The following EGFR variants were observed in gnomAD, a reference collection of about 807,000 sequenced individuals.
EGFR encodes epidermal growth factor receptor, also known as avian erythroblastic leukemia viral (v-erb-b) oncogene homolog.
In EGFR, 58 loss-of-function variants were observed where a neutral mutation model predicts 143.0. The observed-to-expected ratio is 0.41, with a 90% CI of 0.33 to 0.50. EGFR has a LOEUF of 0.50. EGFR is among the 20% of genes least tolerant of loss of function. The pLI, the probability that EGFR is intolerant of heterozygous loss-of-function variation, is 0.39. For synonymous variants in EGFR, 613 were observed against 594.4 expected (o/e 1.03, Z -0.45); for missense variants, 1,307 against 1,579.0 (o/e 0.83, Z 2.92).
At chr7:55,059,335 A>G (rs1583934118) in intron 1 of EGFR, among the ~76,000 whole-genome samples, 1 of 152,208 alleles carries the variant, frequency 6.6e-6, no homozygotes, top group African/African-American at 2.4e-5. Context: ...GCTTACAGAA[A>G]AATTGAGTGG....
chr7:55,206,115 G>T lies in EGFR; in HGVS notation c.*498G>T. ...TTGATTCCAGTGGTTCTGCTTCAAG[G>T]CTTCCACTGCAAAACACTAAAGATC... On this transcript the variant is annotated 3_prime_UTR_variant, in exon 28 of 28. Coordinates refer to ENST00000275493, the MANE Select transcript of EGFR (RefSeq NM_005228.5). 1 of 308,066 alleles carries T rather than the reference G, an allele frequency of 3.2e-6. No individual in the cohort carries two copies. Among genetic ancestry groups the T allele is most frequent in the Non-Finnish European group, 6.0e-6 (1 of 165,614 alleles). 19.1% of individuals were successfully genotyped at this position (308,066 alleles called of 1,614,324 possible).
chr7:55,109,633 C>A, intron 1 of EGFR: 1 of 563,862 alleles, frequency 1.8e-6, no homozygotes. Context: ...AGAATATTAC[C>A]TTTGCAGAGA....
intron 1 of EGFR, among the ~76,000 whole-genome samples, chr7:55,118,253 C>T (rs185764184): frequency 1.3e-5 from 2 of 152,284 alleles, no homozygotes; most frequent in Admixed American, 6.5e-5. Flanking sequence ...TCCAGGACCA[C>T]GGGCACAACC....
chr7:55,130,485 G>A (rs1793768029), intron 1 of EGFR, among the ~76,000 whole-genome samples: 1 of 152,154 alleles, frequency 6.6e-6, no homozygotes, highest in Admixed American at 6.5e-5. Flanking sequence ...GGATTACAGG[G>A]TAGCCAGGGA....
chr7:55,128,544 T>A (rs1304901279), intron 1 of EGFR, among the ~76,000 whole-genome samples: 1 of 152,208 alleles, frequency 6.6e-6, no homozygotes, highest in Non-Finnish European at 1.5e-5. Context: ...ATACGACGTG[T>A]GTTCTGTGAC....
chr7:55,064,295 G>T (rs17289162), intron 1 of EGFR, among the ~76,000 whole-genome samples: 1 of 152,162 alleles, frequency 6.6e-6, no homozygotes, highest in Non-Finnish European at 1.5e-5. Flanking sequence ...CCCACTAGAA[G>T]CCAATTATGC....
At chr7:55,050,191 A>G (rs1788407726) in intron 1 of EGFR, among the ~76,000 whole-genome samples, 2 of 152,176 alleles carry the variant, frequency 1.3e-5, no homozygotes, top group African/African-American at 4.8e-5. Context: ...TCATCTCCAG[A>G]GCTCCTTTCA....
chr7:55,056,320 C>T (rs913371606), intron 1 of EGFR, among the ~76,000 whole-genome samples: 14 of 152,122 alleles, frequency 9.2e-5, no homozygotes, highest in African/African-American at 3.4e-4. Context: ...AAGCAGGTAG[C>T]CAATACTATT....
intron 19 of EGFR, chr7:55,180,908 C>G: frequency 3.0e-6 from 1 of 335,604 alleles, no homozygotes; most frequent in South Asian, 2.8e-5. Context: ...TACAGGCCCT[C>G]ATGATATTTT....
intron 20 of EGFR, among the ~76,000 whole-genome samples, chr7:55,184,072 C>A (rs921851524): frequency 6.6e-6 from 1 of 152,216 alleles, no homozygotes; most frequent in South Asian, 2.1e-4. Flanking sequence ...TGGATTCTGG[C>A]GCATTCGCCG....
At chr7:55,049,070 G>A (rs538545454) in intron 1 of EGFR, among the ~76,000 whole-genome samples, 1 of 152,218 alleles carries the variant, frequency 6.6e-6, no homozygotes, top group African/African-American at 2.4e-5. Flanking sequence ...AAATGGAAAC[G>A]CACATTTAGT....
At chr7:55,161,687 G>A in intron 13 of EGFR, 56 bp downstream of exon 13, 1 of 1,613,456 alleles carries the variant, frequency 6.2e-7, no homozygotes, top group South Asian at 1.1e-5. Flanking sequence ...GCTCCAGGTT[G>A]TTGTTATAGC....
chr7:55,031,215 C>T (rs1019993749), intron 1 of EGFR, among the ~76,000 whole-genome samples: 1 of 152,144 alleles, frequency 6.6e-6, no homozygotes, highest in African/African-American at 2.4e-5. Flanking sequence ...ATTTTTCAGG[C>T]CTGTGATGAC....
At chr7:55,062,093 T>G (rs1010040229) in intron 1 of EGFR, among the ~76,000 whole-genome samples, 1 of 152,116 alleles carries the variant, frequency 6.6e-6, no homozygotes, top group Admixed American at 6.5e-5. Flanking sequence ...CCCCAGGAGA[T>G]AAGTGAAGAG....
At chr7:55,180,210 T>C (rs541090679) in intron 19 of EGFR, 1 of 152,406 alleles carries the variant, frequency 6.6e-6, no homozygotes, top group Admixed American at 6.5e-5. Context: ...GAAAAGCAGC[T>C]GTGGATGCTT....
intron 1 of EGFR, among the ~76,000 whole-genome samples, chr7:55,049,085 A>G (rs1350205878): frequency 6.6e-6 from 1 of 152,248 alleles, no homozygotes; most frequent in Non-Finnish European, 1.5e-5. Flanking sequence ...TTTAGTATGC[A>G]TATGACAACA....
intron 1 of EGFR, among the ~76,000 whole-genome samples, chr7:55,108,371 AGT>A (rs1792265576): frequency 6.6e-6 from 1 of 152,234 alleles, no homozygotes; most frequent in African/African-American, 2.4e-5. Flanking sequence ...GGGGTCCGAG[AGT>A]GACTGTCTCT....
intron 3 of EGFR, among the ~76,000 whole-genome samples, chr7:55,144,953 A>G (rs1562755544): frequency 1.3e-5 from 2 of 152,206 alleles, no homozygotes; most frequent in Admixed American, 6.5e-5. Flanking sequence ...GACTGTAGGA[A>G]CAGGCCTCAG....
intron 4 of EGFR, among the ~76,000 whole-genome samples, chr7:55,150,757 C>T (rs4947985): frequency 0.042 from 6,324 of 152,322 alleles, 154 homozygotes; most frequent in Middle Eastern, 0.12. Flanking sequence ...TTTACACAGT[C>T]ATGAAAGTGA....
Sources: allele counts gnomAD v4.1 joint callset (sites outside exome capture counted in the v4.1 genomes callset), GRCh38; gene constraint gnomAD v4.1.1; transcripts MANE v1.5; gene names NCBI Gene and HGNC (gene_info 2026-07-23, HGNC 2026-07-21).